The following ARF3 variants were observed in gnomAD, a reference collection of about 807,000 sequenced individuals.
ARF3 encodes ADP-ribosylation factor 3.
In ARF3, 5 loss-of-function variants were observed where a neutral mutation model predicts 19.3. The ratio of observed to expected loss-of-function variants is 0.26; its 90% CI spans 0.14 to 0.54. The LOEUF is 0.54. Ranked by LOEUF, ARF3 falls within the 20% of genes least tolerant of loss-of-function variation. The pLI, the probability that ARF3 is intolerant of heterozygous loss-of-function variation, is 0.95. For missense variants in ARF3, 77 were observed against 234.2 expected, an observed-to-expected ratio of 0.33 and a Z score of 4.38; for synonymous variants, 71 against 89.2, an observed-to-expected ratio of 0.80 and a Z score of 1.15.
In ARF3 at chr12:48,957,400, C is replaced by G. The variant is rs1163902138; in HGVS notation, c.-184G>C. Reference sequence around the variant, plus strand: ...CTCTGGCTCCCCAAGCCGACTTCAGCCCGGCTGCTGCCCTGGCCCACTCCC... The same window carrying G: ...CTCTGGCTCCCCAAGCCGACTTCAGGCCGGCTGCTGCCCTGGCCCACTCCC... On this transcript the variant is annotated 5_prime_UTR_variant, in exon 1 of 5. Coordinates refer to ENST00000256682, the MANE Select transcript of ARF3 (RefSeq NM_001659.3). The G allele has an allele frequency of 6.5e-6, 1 of 154,418 alleles. No individual in the cohort carries two copies. The highest frequency in any genetic ancestry group is 1.4e-5 in the Non-Finnish European group (1 of 69,756). The allele number at this position is 154,418 out of a possible 1,614,324, so 9.6% of individuals were successfully genotyped here.
Position 48,938,434 on chromosome 12 carries a change from C to T in ARF3, c.*513G>A, listed in dbSNP as rs779906862. ...GCTTCACTCCACCCCCTCCCCGCTC[C>T]CCCCGGCCCCCACAAATATATCTCT... On this transcript the variant is annotated 3_prime_UTR_variant, in exon 5 of 5. Coordinates refer to ENST00000256682, the MANE Select transcript of ARF3 (RefSeq NM_001659.3). The T allele has an allele frequency of 1.1e-5, 5 of 453,982 alleles. No individual in the cohort carries two copies. Among genetic ancestry groups the T allele is most frequent in the South Asian group, 6.2e-5 (4 of 64,430 alleles). 28.1% of individuals were successfully genotyped at this position (453,982 alleles called of 1,614,324 possible). A position where few individuals can be genotyped will look rare whatever the true frequency, so the allele number is the denominator to read the frequency against.
Position 48,938,898 on chromosome 12 carries a change from G to A in ARF3, c.*49C>T. 2 of 1,591,354 alleles carry A rather than the reference G, an allele frequency of 1.3e-6. No individual in the cohort carries two copies. Among genetic ancestry groups the A allele is most frequent in the East Asian group, 2.2e-5 (1 of 44,608 alleles). ...GGGGTAGGACTGGGGCAGGGTGACAGTAGGTATGTCAGGGGTGGGTGGGGT... is the reference window on the plus strand; with the variant it reads ...GGGGTAGGACTGGGGCAGGGTGACAATAGGTATGTCAGGGGTGGGTGGGGT... On this transcript the variant is annotated 3_prime_UTR_variant, in exon 5 of 5. Coordinates refer to ENST00000256682, the MANE Select transcript of ARF3 (RefSeq NM_001659.3).
chr12:48,950,696 G>A (rs1337842482), intron 1 of ARF3, among the ~76,000 whole-genome samples: 1 of 151,932 alleles, frequency 6.6e-6, no homozygotes, highest in Non-Finnish European at 1.5e-5. Context: ...CCAGCCCCTG[G>A]CAACCACCAT....
At chr12:48,945,659 G>A (rs1354607906) in intron 1 of ARF3, among the ~76,000 whole-genome samples, 2 of 151,978 alleles carry the variant, frequency 1.3e-5, no homozygotes, top group African/African-American at 2.4e-5. Context: ...GGAAGCAGAG[G>A]TTGCAGTGAG....
rs2137574323 is a variant in ARF3 at position 48,938,606 on chromosome 12, G to A, written c.*341C>T. ...GACAGGGAAAGGACTCAGATGCCAA[G>A]AGGACAGCAACCACTGCCAAACAAA... On this transcript the variant is annotated 3_prime_UTR_variant, in exon 5 of 5. Coordinates refer to ENST00000256682, the MANE Select transcript of ARF3 (RefSeq NM_001659.3). The A allele has an allele frequency of 2.2e-6, 1 of 455,768 alleles. No homozygotes were observed. Among genetic ancestry groups the A allele is most frequent in the Non-Finnish European group, 4.4e-6 (1 of 227,780 alleles). The allele number at this position is 455,768 out of a possible 1,614,324, so 28.2% of individuals were successfully genotyped here.
intron 1 of ARF3, among the ~76,000 whole-genome samples, chr12:48,948,040 T>C (rs1433563297): frequency 8.7e-6 from 1 of 114,290 alleles, no homozygotes; most frequent in South Asian, 2.7e-4. Context: ...AGCCCATCGC[T>C]ACAAAAAAAA....
At position 48,939,528 on chromosome 12, in the gene ARF3, C is replaced by T; in HGVS notation, c.384+127G>A. 1 of 1,331,558 alleles carries T rather than the reference C, an allele frequency of 7.5e-7. No individual in the cohort carries two copies. 82.5% of individuals were successfully genotyped at this position (1,331,558 alleles called of 1,614,324 possible). A position where few individuals can be genotyped will look rare whatever the true frequency, so the allele number is the denominator to read the frequency against. On this transcript the variant is annotated intron_variant, in intron 4 of 4. Coordinates refer to ENST00000256682, the MANE Select transcript of ARF3 (RefSeq NM_001659.3). The surrounding 1 kb of genome is among the most constrained non-coding windows in gnomAD (Gnocchi z 4.8). ...AAGAGGGGCATAAAGAAGCCAAGTGCTCAGTTTCCCACGCTTCTAACATTG... is the reference window on the plus strand; with the variant it reads ...AAGAGGGGCATAAAGAAGCCAAGTGTTCAGTTTCCCACGCTTCTAACATTG...
intron 1 of ARF3, among the ~76,000 whole-genome samples, chr12:48,950,154 G>A (rs1037125207): frequency 1.8e-4 from 27 of 152,196 alleles, no homozygotes; most frequent in African/African-American, 5.8e-4. Flanking sequence ...TTGGGCTCAC[G>A]CAATCCTGAG....
chr12:48,948,683 G>A (rs1036516054), intron 1 of ARF3, among the ~76,000 whole-genome samples: 1 of 151,974 alleles, frequency 6.6e-6, no homozygotes, highest in South Asian at 2.1e-4. Flanking sequence ...TGATGGTGTG[G>A]GCCTGCAATC....
intron 1 of ARF3, among the ~76,000 whole-genome samples, chr12:48,947,803 G>C (rs1940385355): frequency 6.6e-6 from 1 of 152,110 alleles, no homozygotes; most frequent in African/African-American, 2.4e-5. Flanking sequence ...AGGGTAAAGG[G>C]TGATTCTGAA....
At chr12:48,943,338 A>G (rs1218650897) in intron 1 of ARF3, among the ~76,000 whole-genome samples, 2 of 152,190 alleles carry the variant, frequency 1.3e-5, no homozygotes, top group African/African-American at 4.8e-5. Context: ...AGGATTCAGA[A>G]TCACCCATAC....
chr12:48,955,312 C>CAT (rs1181101746), intron 1 of ARF3, among the ~76,000 whole-genome samples: 2 of 152,198 alleles, frequency 1.3e-5, no homozygotes, highest in Admixed American at 1.3e-4. Flanking sequence ...CACACATATA[C>CAT]ATATATTGGT....
At chr12:48,949,231 G>A (rs1565709707) in intron 1 of ARF3, among the ~76,000 whole-genome samples, 1 of 152,148 alleles carries the variant, frequency 6.6e-6, no homozygotes, top group Non-Finnish European at 1.5e-5. Flanking sequence ...TTTGTTTGTT[G>A]TTGTTGTTGT....
chr12:48,939,173 A>G lies in ARF3; in HGVS notation c.385-65T>C. 6.5e-7 allele frequency: 1 copy of G among 1,537,750 alleles called. No homozygotes were observed. The highest frequency in any genetic ancestry group is 8.8e-7 in the Non-Finnish European group (1 of 1,132,064). On this transcript the variant is annotated intron_variant, in intron 4 of 4. Transcript: ENST00000256682. The surrounding 1 kb of genome is among the most constrained non-coding windows in gnomAD (Gnocchi z 4.8). ...TTTTTTAAAGGCTTCTAGAACACCC[A>G]TCTACCAAAGAAATGTGTACCAGCA...
At chr12:48,940,280 A>G (rs571522352) in intron 2 of ARF3, among the ~76,000 whole-genome samples, 173 bp from the exon 3 acceptor site, 397 of 152,362 alleles carry the variant, frequency 2.6e-3, no homozygotes, top group Non-Finnish European at 4.5e-3. Context: ...CTGAAGGCCA[A>G]AATGAAAACC....
At chr12:48,955,017 G>C (rs1396471612) in intron 1 of ARF3, among the ~76,000 whole-genome samples, 4 of 152,108 alleles carry the variant, frequency 2.6e-5, no homozygotes, top group Admixed American at 2.0e-4. Context: ...GGTATATAGG[G>C]AAGCAGATTC....
intron 1 of ARF3, among the ~76,000 whole-genome samples, chr12:48,954,892 G>A (rs1940533146): frequency 6.6e-6 from 1 of 152,170 alleles, no homozygotes; most frequent in Non-Finnish European, 1.5e-5. Context: ...GGTGGCACAC[G>A]CATGTGGTCC....
Position 48,941,241 on chromosome 12 carries a change from A to T in ARF3, c.-93-53T>A, listed in dbSNP as rs971139817. 3.6e-5 allele frequency: 35 copies of T among 979,906 alleles called. No homozygotes were observed. The Admixed American group carries it at 7.1e-4, about 20-fold the overall frequency. 60.7% of individuals were successfully genotyped at this position (979,906 alleles called of 1,614,324 possible). A position where few individuals can be genotyped will look rare whatever the true frequency, so the allele number is the denominator to read the frequency against. ...CATCATTTGCTTGTCAGGACTTCCA[A>T]GTAAATAGAATTTCCCAAGGTCATG... is the stretch of plus-strand genomic sequence containing the variant. On this transcript the variant is annotated intron_variant, in intron 1 of 4. Coordinates refer to ENST00000256682, the MANE Select transcript of ARF3 (RefSeq NM_001659.3).
At chr12:48,947,449 GGC>G in intron 1 of ARF3, among the ~76,000 whole-genome samples, 1 of 152,058 alleles carries the variant, frequency 6.6e-6, no homozygotes, top group Non-Finnish European at 1.5e-5. Flanking sequence ...TGGGACTACA[GGC>G]GCATGCCACC....
Sources: gnomAD v4.1 joint callset for allele counts (sites outside exome capture counted in the v4.1 genomes callset) on GRCh38, gnomAD v4.1.1 for gene constraint, Gnocchi (gnomAD v3.1) non-coding constraint, MANE v1.5 for transcripts, NCBI Gene and HGNC (gene_info 2026-07-23, HGNC 2026-07-21) for gene names.